The following SYNE2 variants were observed in gnomAD, a reference collection of about 807,000 sequenced individuals.
SYNE2 encodes nesprin-2.
In SYNE2, 431 loss-of-function variants were observed where a neutral mutation model predicts 856.3. The ratio of observed to expected loss-of-function variants is 0.50; its 90% CI spans 0.47 to 0.55. The LOEUF (loss-of-function observed/expected upper bound fraction) is 0.55, where lower values mean the gene tolerates loss of function less well. Among genes scored for constraint, SYNE2 ranks in the 20% least tolerant of loss-of-function variants. The pLI, the probability that SYNE2 is intolerant of heterozygous loss-of-function variation, is 0.00. For synonymous variants in SYNE2, 2,923 were observed against 2,872.3 expected, an observed-to-expected ratio of 1.02 and a Z score of -0.56; for missense variants, 8,129 against 8,023.2, an observed-to-expected ratio of 1.01 and a Z score of -0.50.
At chr14:64,070,999 T>A in intron 52 of SYNE2, 89 bp downstream of exon 52, 4 of 1,366,748 alleles carry the variant, frequency 2.9e-6, no homozygotes, top group Non-Finnish European at 4.1e-6. Flanking sequence ...TAATGGCAAA[T>A]GATACAATAG....
chr14:64,068,713 AT>A (rs1567203322), intron 51 of SYNE2, among the ~76,000 whole-genome samples: 1 of 151,860 alleles, frequency 6.6e-6, no homozygotes, highest in Admixed American at 6.6e-5. Context: ...TACAAAAAAA[AT>A]AGCCAGGCAT....
At chr14:63,881,944 T>C (rs2094875570) in intron 1 of SYNE2, among the ~76,000 whole-genome samples, 1 of 152,178 alleles carries the variant, frequency 6.6e-6, no homozygotes, top group Admixed American at 6.5e-5. Context: ...TAGAATAGTG[T>C]TTGAAAGGAA....
intron 82 of SYNE2, among the ~76,000 whole-genome samples, chr14:64,143,277 C>G (rs1339985550): frequency 6.6e-6 from 1 of 152,078 alleles, no homozygotes; most frequent in Non-Finnish European, 1.5e-5. Context: ...TTAAAGCCAC[C>G]CAAACTTTCT....
chr14:63,854,714 A>C (rs776598409), intron 1 of SYNE2, among the ~76,000 whole-genome samples: 40 of 152,234 alleles, frequency 2.6e-4, no homozygotes, highest in Non-Finnish European at 5.1e-4. Context: ...AAATTGTTTG[A>C]AAAATCATGT....
chr14:63,998,948 C>G lies in SYNE2; in HGVS notation c.3388C>G (p.Leu1130Val), dbSNP rs1180344078. The G allele has an allele frequency of 1.2e-6, 2 of 1,613,964 alleles. No individual in the cohort carries two copies. Among genetic ancestry groups the G allele is most frequent in the Non-Finnish European group, 1.7e-6 (2 of 1,179,984 alleles). The change falls in exon 27 of 116, where the codon CTG (leucine) becomes GTG (valine). Residue 1130 changes from leucine (L) to valine (V), a missense_variant. Leu to Val is a conservative substitution (Grantham distance 32, BLOSUM62 1). Around this residue, in one of 3 missense-constraint regions of SYNE2, gnomAD observed 2,422 missense variants for 2,357.4 expected, o/e 1.03. Coordinates refer to ENST00000555002, the MANE Select transcript of SYNE2 (RefSeq NM_182914.3). ...DTYRDILEHHLQNNKFRITSD... is the reference protein window; with the variant it reads ...DTYRDILEHHVQNNKFRITSD... ...ATACAGAGATATTCTTGAACACCAC[C>G]TGCAAAACAACAAATTCAGGATTAC...
chr14:63,920,588 A>G (rs1377057502), intron 2 of SYNE2, among the ~76,000 whole-genome samples: 8 of 151,148 alleles, frequency 5.3e-5, no homozygotes, highest in Non-Finnish European at 1.2e-4. Flanking sequence ...AACTTGTTTT[A>G]GAAATTCCCC....
In SYNE2 at chr14:64,017,765, A is replaced by G. The variant is rs778567265; in HGVS notation, c.5049+9A>G. 6.8e-6 allele frequency: 11 copies of G among 1,613,032 alleles called. No homozygotes were observed. The highest frequency in any genetic ancestry group is 9.3e-6 in the Non-Finnish European group (11 of 1,179,260). Reference sequence around the variant, plus strand: ...ACAGAGAAAGGCTGAAGGTAATTTAACAGATAAAATACATGCTTTTCTTGG... The same window carrying G: ...ACAGAGAAAGGCTGAAGGTAATTTAGCAGATAAAATACATGCTTTTCTTGG... On this transcript the variant is annotated intron_variant, in intron 34 of 115. Transcript: ENST00000555002.
chr14:63,883,508 C>G lies in SYNE2; in HGVS notation c.-51-25590C>G, dbSNP rs1015932348. On this transcript the variant is annotated intron_variant, in intron 1 of 115. Transcript: ENST00000555002. ...ATCTGGGACTACGTGCACCTCCACG[C>G]CTGGCTAACTTTTTTTGGTATTTTT... Among the ~76,000 whole-genome samples, 38 of 139,034 alleles carry G rather than the reference C, an allele frequency of 2.7e-4. 1 individual carries two copies. The highest frequency in any genetic ancestry group is 9.9e-4 in the African/African-American group (37 of 37,220). The allele number at this position is 139,034 out of a possible 152,430, so 91.2% of individuals were successfully genotyped here.
intron 45 of SYNE2, among the ~76,000 whole-genome samples, chr14:64,041,759 A>G (rs1462733676): frequency 6.6e-6 from 1 of 151,988 alleles, no homozygotes; most frequent in African/African-American, 2.4e-5. Context: ...CTGAAACAGG[A>G]GAATCAGTTG....
chr14:64,129,142 AT>A (rs147202699), intron 74 of SYNE2, among the ~76,000 whole-genome samples: 24,682 of 152,062 alleles, frequency 0.16, 2,603 homozygotes, highest in African/African-American at 0.3. Flanking sequence ...CCCCATCTCT[AT>A]CGAAAATACA....
intron 94 of SYNE2, among the ~76,000 whole-genome samples, chr14:64,171,963 G>T (rs2098413294): frequency 6.6e-6 from 1 of 152,116 alleles, no homozygotes; most frequent in Admixed American, 6.5e-5. Context: ...CAATTCTCGT[G>T]TCTCAGCCTC....
At chr14:63,778,805 G>A (rs937460748) in intron 1 of SYNE2, among the ~76,000 whole-genome samples, 3 of 152,062 alleles carry the variant, frequency 2.0e-5, no homozygotes, top group Admixed American at 6.6e-5. Context: ...TTGAGCCACC[G>A]CACCTGGCCC....
At chr14:63,965,363 A>G (rs2096376832) in intron 10 of SYNE2, among the ~76,000 whole-genome samples, 1 of 152,198 alleles carries the variant, frequency 6.6e-6, no homozygotes, top group Non-Finnish European at 1.5e-5. Flanking sequence ...ACAGATGAAG[A>G]TAATAAGTGG....
intron 1 of SYNE2, among the ~76,000 whole-genome samples, chr14:63,777,753 G>A (rs1278283963): frequency 1.3e-5 from 2 of 152,002 alleles, no homozygotes; most frequent in Non-Finnish European, 2.9e-5. Flanking sequence ...ACTGTAACCC[G>A]GAACTCCTGG....
At chr14:63,805,742 A>G (rs1888338895) in intron 1 of SYNE2, among the ~76,000 whole-genome samples, 1 of 152,144 alleles carries the variant, frequency 6.6e-6, no homozygotes, top group African/African-American at 2.4e-5. Flanking sequence ...GTGTGTGGCT[A>G]TTGTGAATGG....
At position 63,954,920 on chromosome 14, in the gene SYNE2, A is replaced by C; in HGVS notation, c.787+5A>C. 6.2e-7 allele frequency: 1 copy of C among 1,607,960 alleles called. No individual in the cohort carries two copies. Reference sequence around the variant, plus strand: ...CCAGATTGCTGGAACCAGAAGGTAAAGAAGCTTCTTTGTTTTTAAAACAAT... The same window carrying C: ...CCAGATTGCTGGAACCAGAAGGTAACGAAGCTTCTTTGTTTTTAAAACAAT... On this transcript the variant is annotated splice_donor_5th_base_variant and intron_variant, in intron 8 of 115. Coordinates refer to ENST00000555002, the MANE Select transcript of SYNE2 (RefSeq NM_182914.3).
chr14:64,073,835 T>C (rs2097433684), intron 52 of SYNE2, 133 bp from the exon 53 acceptor site: 1 of 990,202 alleles, frequency 1.0e-6, no homozygotes, highest in Non-Finnish European at 1.5e-6. Flanking sequence ...AATTGTTACT[T>C]TTTTTCTTAG....
intron 1 of SYNE2, among the ~76,000 whole-genome samples, chr14:63,772,076 G>A (rs12891947): frequency 2.8e-3 from 430 of 152,338 alleles, no homozygotes; most frequent in Non-Finnish European, 5.1e-3. Flanking sequence ...AGACAGGCTG[G>A]GTGTGGTGGC....
intron 32 of SYNE2, among the ~76,000 whole-genome samples, chr14:64,015,273 A>T (rs184454748): frequency 3.0e-4 from 45 of 151,818 alleles, no homozygotes; most frequent in African/African-American, 1.1e-3. Context: ...ATTGCTGTTA[A>T]ATCTCCTTTA....
Sources: gnomAD v4.1 joint callset for allele counts (sites outside exome capture counted in the v4.1 genomes callset) on GRCh38, gnomAD v4.1.1 for gene constraint, gnomAD v4.1.1 regional missense constraint, MANE v1.5 for transcripts, NCBI Gene and HGNC (gene_info 2026-07-23, HGNC 2026-07-21) for gene names.